Variants in WDPCP observed in about 807,000 individuals in gnomAD.
The protein encoded by WDPCP is WD repeat-containing and planar cell polarity effector protein fritz homolog.
A neutral mutation model predicts 93.1 loss-of-function variants in WDPCP; 71 were observed. The observed-to-expected ratio is 0.76, with a 90% confidence interval of 0.63 to 0.93. WDPCP has a LOEUF of 0.93. Ranked by LOEUF, WDPCP falls within the 40% of genes least tolerant of loss-of-function variation. WDPCP has a pLI of 0.00. For missense variants in WDPCP, 844 were observed against 887.4 expected, an observed-to-expected ratio of 0.95 and a Z score of 0.62; for synonymous variants, 315 against 315.0, an observed-to-expected ratio of 1.00 and a Z score of 0.00.
chr2:63,556,629 G>A (rs781125247), intron 1 of WDPCP, among the ~76,000 whole-genome samples: 8 of 152,244 alleles, frequency 5.3e-5, no homozygotes, highest in South Asian at 2.1e-4. Flanking sequence ...GAAATCTTTC[G>A]GAAGAGAAGA....
chr2:63,571,255 T>C, intron 1 of WDPCP: 1 of 394,120 alleles, frequency 2.5e-6, no homozygotes, highest in Non-Finnish European at 5.0e-6. Context: ...TCCTCATGTG[T>C]AAAATAAATC....
Position 63,206,975 on chromosome 2 carries a change from C to CT in WDPCP, c.1916-32144dup, listed in dbSNP as rs373751213. ...TTGCAAAACTGAAACCCATTAAAAA[C>CT]TAATTCTCCTCCTCCCTTTTCTCCA... On this transcript the variant is annotated intron_variant, in intron 14 of 17. Transcript: ENST00000272321. Among the ~76,000 whole-genome samples the CT allele has an allele frequency of 1.4e-3, 208 of 152,222 alleles. 1 individual carries two copies. Among genetic ancestry groups the CT allele is most frequent in the Non-Finnish European group, 2.7e-3 (181 of 68,016 alleles).
intron 13 of WDPCP, among the ~76,000 whole-genome samples, chr2:63,288,285 T>G (rs1052591370): frequency 2.6e-5 from 4 of 152,246 alleles, no homozygotes; most frequent in African/African-American, 9.6e-5. Flanking sequence ...GATGCAATCT[T>G]GGGTGGCTTT....
At chr2:63,691,789 T>A (rs534472706) in intron 2 of WDPCP, among the ~76,000 whole-genome samples, 1 of 151,792 alleles carries the variant, frequency 6.6e-6, no homozygotes, top group African/African-American at 2.4e-5. Flanking sequence ...AAAAGGAGAA[T>A]AAAAAAGTTT....
intron 15 of WDPCP, among the ~76,000 whole-genome samples, chr2:63,172,778 T>C (rs928250341): frequency 2.6e-5 from 4 of 152,130 alleles, no homozygotes; most frequent in African/African-American, 9.7e-5. Context: ...CATCGGAGCA[T>C]GGACTACAGG....
At chr2:63,743,379 T>C (rs1669752544) in intron 2 of WDPCP, among the ~76,000 whole-genome samples, 1 of 152,118 alleles carries the variant, frequency 6.6e-6, no homozygotes. Flanking sequence ...CACCTGATGC[T>C]GCCAGGGAAA....
intron 12 of WDPCP, among the ~76,000 whole-genome samples, chr2:63,364,320 G>A (rs576061904): frequency 1.3e-5 from 2 of 152,102 alleles, no homozygotes; most frequent in East Asian, 1.9e-4. Context: ...TAATATTCTC[G>A]GGTCACACTT....
chr2:63,301,751 C>T (rs1383323635), intron 13 of WDPCP, among the ~76,000 whole-genome samples: 1 of 151,974 alleles, frequency 6.6e-6, no homozygotes, highest in Non-Finnish European at 1.5e-5. Context: ...TCTTCCTCTC[C>T]ACACTGAGTC....
intron 2 of WDPCP, among the ~76,000 whole-genome samples, chr2:63,695,557 T>C (rs1026321774): frequency 6.6e-6 from 1 of 152,248 alleles, no homozygotes; most frequent in African/African-American, 2.4e-5. Flanking sequence ...TTGCTAAATC[T>C]GGTAGCCCTA....
At chr2:63,651,112 G>C (rs1710104208) in intron 2 of WDPCP, among the ~76,000 whole-genome samples, 1 of 152,126 alleles carries the variant, frequency 6.6e-6, no homozygotes, top group African/African-American at 2.4e-5. Context: ...ATGGTTCCTA[G>C]GTTGCTTTCC....
At chr2:63,257,345 A>AAATT (rs1681235587) in intron 14 of WDPCP, among the ~76,000 whole-genome samples, 2 of 152,162 alleles carry the variant, frequency 1.3e-5, no homozygotes, top group Non-Finnish European at 2.9e-5. Flanking sequence ...ATTTGAAAGA[A>AAATT]AATTAGCTTT....
chr2:63,409,285 C>G (rs1200098786), intron 9 of WDPCP, among the ~76,000 whole-genome samples: 1 of 152,090 alleles, frequency 6.6e-6, no homozygotes, highest in Non-Finnish European at 1.5e-5. Flanking sequence ...GTGGCTAGAC[C>G]CAGAAGAGAG....
chr2:63,584,257 C>G (rs1708695154), intron 1 of WDPCP, among the ~76,000 whole-genome samples: 1 of 152,174 alleles, frequency 6.6e-6, no homozygotes, highest in Non-Finnish European at 1.5e-5. Flanking sequence ...CTCCTACTCT[C>G]CTCCCCAAGC....
At chr2:63,749,797 T>G (rs1326834089) in intron 2 of WDPCP, among the ~76,000 whole-genome samples, 1 of 152,114 alleles carries the variant, frequency 6.6e-6, no homozygotes, top group Non-Finnish European at 1.5e-5. Flanking sequence ...AATCTAGAAT[T>G]TTTTGTTGTT....
At chr2:63,759,312 C>T (rs1401371585) in intron 2 of WDPCP, among the ~76,000 whole-genome samples, 1 of 152,136 alleles carries the variant, frequency 6.6e-6, no homozygotes, top group Non-Finnish European at 1.5e-5. Context: ...CCTGTATCGG[C>T]CTCTGTATGG....
chr2:63,415,323 A>G (rs1367832500), intron 9 of WDPCP, among the ~76,000 whole-genome samples: 1 of 152,164 alleles, frequency 6.6e-6, no homozygotes, highest in Non-Finnish European at 1.5e-5. Context: ...GTATCATGCC[A>G]CTGCATTCCA....
chr2:63,596,236 T>C (rs1043656895), intron 3 of WDPCP, among the ~76,000 whole-genome samples: 3 of 152,218 alleles, frequency 2.0e-5, no homozygotes, highest in Non-Finnish European at 4.4e-5. Flanking sequence ...TTAATGATAC[T>C]CTCCTAGAAG....
At chr2:63,231,353 T>TA (rs1390914300) in intron 14 of WDPCP, among the ~76,000 whole-genome samples, 19 of 152,116 alleles carry the variant, frequency 1.2e-4, no homozygotes, top group African/African-American at 3.9e-4. Context: ...GAGAAGGAAA[T>TA]AAAGAGTATT....
intron 13 of WDPCP, among the ~76,000 whole-genome samples, chr2:63,297,107 C>A (rs1575084604): frequency 6.6e-6 from 1 of 152,216 alleles, no homozygotes; most frequent in Admixed American, 6.5e-5. Flanking sequence ...AGACCCGGAG[C>A]CAGCAAACGA....
Sources: allele counts gnomAD v4.1 joint callset (sites outside exome capture counted in the v4.1 genomes callset), GRCh38; gene constraint gnomAD v4.1.1; transcripts MANE v1.5; gene names NCBI Gene and HGNC (gene_info 2026-07-23, HGNC 2026-07-21).